COL14A1: variants seen among roughly 807,000 people sequenced by gnomAD.
COL14A1 encodes the protein collagen alpha-1(XIV) chain.
A neutral mutation model predicts 230.3 loss-of-function variants in COL14A1; 136 were observed. That is an observed-to-expected ratio of 0.59 (90% CI 0.51 to 0.68). The LOEUF is 0.68. Among genes scored for constraint, COL14A1 ranks in the 30% least tolerant of loss-of-function variants. The pLI is 0.00. For synonymous variants in COL14A1, 792 were observed against 784.1 expected (o/e 1.01, Z -0.17); for missense variants, 1,976 against 2,215.8 (o/e 0.89, Z 2.17).
At chr8:120,165,635 A>G (rs1047901042) in intron 4 of COL14A1, among the ~76,000 whole-genome samples, 17 of 152,084 alleles carry the variant, frequency 1.1e-4, no homozygotes, top group South Asian at 2.1e-4. Context: ...GAAGACATAT[A>G]TATCTTATAT....
At chr8:120,263,286 A>G (rs146903915) in intron 24 of COL14A1, among the ~76,000 whole-genome samples, 2 of 152,204 alleles carry the variant, frequency 1.3e-5, no homozygotes, top group Non-Finnish European at 2.9e-5. Context: ...AATGACTTAC[A>G]TTGTGATCCA....
intron 22 of COL14A1, among the ~76,000 whole-genome samples, chr8:120,251,413 C>T (rs1466432886): frequency 6.6e-6 from 1 of 152,144 alleles, no homozygotes; most frequent in Non-Finnish European, 1.5e-5. Context: ...GGGGTCACTC[C>T]ACCCCCTTGC....
chr8:120,281,075 AAGATTTTAAAGTCATCGT>A lies in COL14A1; in HGVS notation c.3824+18_3824+35del. ...AGCCAACCAGGTATGTTTCTGTTGAAAGATTTTAAAGTCATCGTATGTTTATTATATCTCACTGTGAAA... is the reference window on the plus strand; with the variant it reads ...AGCCAACCAGGTATGTTTCTGTTGAAATGTTTATTATATCTCACTGTGAAA... On this transcript the variant is annotated intron_variant, in intron 31 of 47. Transcript: ENST00000297848. 1 of 1,595,020 alleles carries A rather than the reference AAGATTTTAAAGTCATCGT, an allele frequency of 6.3e-7. No homozygotes were observed. The highest frequency in any genetic ancestry group is 1.1e-5 in the South Asian group (1 of 87,962).
At chr8:120,261,497 A>G (rs373481422) in intron 23 of COL14A1, among the ~76,000 whole-genome samples, 28 of 152,300 alleles carry the variant, frequency 1.8e-4, no homozygotes, top group African/African-American at 5.1e-4. Flanking sequence ...CCCTCAAGAA[A>G]TGATGAATAT....
intron 19 of COL14A1, among the ~76,000 whole-genome samples, chr8:120,236,187 A>G (rs192019458): frequency 6.6e-6 from 1 of 152,188 alleles, no homozygotes; most frequent in Admixed American, 6.5e-5. Context: ...TTTCTGTCTC[A>G]TTTATCTGTC....
chr8:120,137,708 CATTG>C (rs1392102931), intron 1 of COL14A1, among the ~76,000 whole-genome samples: 1 of 151,860 alleles, frequency 6.6e-6, no homozygotes, highest in Non-Finnish European at 1.5e-5. Flanking sequence ...ATCTTTGACT[CATTG>C]ATTATTTAGA....
chr8:120,149,252 A>T (rs767301823), intron 2 of COL14A1, among the ~76,000 whole-genome samples: 12 of 152,246 alleles, frequency 7.9e-5, no homozygotes, highest in Admixed American at 7.9e-4. Context: ...AGATCAATGC[A>T]TGAACCACCA....
intron 3 of COL14A1, among the ~76,000 whole-genome samples, chr8:120,160,806 G>T (rs1269921361): frequency 6.6e-6 from 1 of 152,174 alleles, no homozygotes; most frequent in Admixed American, 6.5e-5. Context: ...TATTCTGTAG[G>T]ATGCTAATAG....
At chr8:120,276,855 A>C (rs548321235) in intron 26 of COL14A1, among the ~76,000 whole-genome samples, 44 of 151,936 alleles carry the variant, frequency 2.9e-4, no homozygotes, top group Middle Eastern at 3.4e-3. Flanking sequence ...AATAAAATAA[A>C]ATTAGGTTAT....
chr8:120,284,642 T>C lies in COL14A1; in HGVS notation c.3967+864T>C, dbSNP rs145539059. Among the ~76,000 whole-genome samples, 4 of 152,320 alleles carry C rather than the reference T, an allele frequency of 2.6e-5. No individual in the cohort carries two copies. In the East Asian group the frequency reaches 7.7e-4, roughly 29 times the overall value. On this transcript the variant is annotated intron_variant, in intron 32 of 47. Coordinates refer to ENST00000297848, the MANE Select transcript of COL14A1 (RefSeq NM_021110.4). ...CAGTACATGGAAACTAATCAACAAC[T>C]AAATATGATATTGTGGAAGCATTTT...
intron 36 of COL14A1, among the ~76,000 whole-genome samples, chr8:120,307,818 C>T (rs1298358432): frequency 1.3e-5 from 2 of 152,084 alleles, no homozygotes; most frequent in Non-Finnish European, 2.9e-5. Context: ...ATTGGCAGAT[C>T]AATAAACTGG....
At chr8:120,236,443 C>CT (rs200472631) in intron 19 of COL14A1, among the ~76,000 whole-genome samples, 14,026 of 144,234 alleles carry the variant, frequency 0.097, 1,232 homozygotes, top group East Asian at 0.41. Context: ...GCAACCCCTG[C>CT]TTTTTTTTTT....
intron 7 of COL14A1, 143 bp from the exon 8 acceptor site, chr8:120,199,259 C>T (rs1817146753): frequency 1.0e-5 from 7 of 680,086 alleles, no homozygotes; most frequent in Admixed American, 4.1e-5. Flanking sequence ...CTGTGAAAGA[C>T]AACGTTATTA....
chr8:120,139,284 C>A (rs563826948), intron 1 of COL14A1, among the ~76,000 whole-genome samples: 2 of 152,306 alleles, frequency 1.3e-5, no homozygotes, highest in South Asian at 4.1e-4. Flanking sequence ...TTCAAGTCTT[C>A]TTTGCCTGAA....
intron 4 of COL14A1, among the ~76,000 whole-genome samples, chr8:120,166,082 T>A (rs1226495984): frequency 6.6e-6 from 1 of 152,030 alleles, no homozygotes; most frequent in Admixed American, 6.6e-5. Flanking sequence ...TGTGTGCAGC[T>A]CTCCCATAGA....
chr8:120,244,102 A>G, intron 20 of COL14A1, 94 bp downstream of exon 20: 1 of 1,411,912 alleles, frequency 7.1e-7, no homozygotes, highest in South Asian at 1.3e-5. Context: ...AGTAGATTGC[A>G]GTGAAGAAAC....
intron 24 of COL14A1, among the ~76,000 whole-genome samples, 183 bp downstream of exon 24, chr8:120,263,197 A>G (rs10097805): frequency 0.021 from 3,168 of 152,288 alleles, 115 homozygotes; most frequent in African/African-American, 0.071. Context: ...GATGTCATCA[A>G]TATGGGTTTT....
At chr8:120,307,376 A>G (rs376644496) in intron 36 of COL14A1, among the ~76,000 whole-genome samples, 7 of 152,334 alleles carry the variant, frequency 4.6e-5, no homozygotes, top group South Asian at 4.1e-4. Context: ...TTGATATTCA[A>G]TAATGGTGCT....
chr8:120,181,459 T>C (rs941664677), intron 5 of COL14A1, among the ~76,000 whole-genome samples: 2 of 152,180 alleles, frequency 1.3e-5, no homozygotes, highest in African/African-American at 2.4e-5. Context: ...ACACTCTCAA[T>C]GGGAGTGACA....
Sources: allele counts gnomAD v4.1 joint callset (sites outside exome capture counted in the v4.1 genomes callset), GRCh38; gene constraint gnomAD v4.1.1; transcripts MANE v1.5; gene names NCBI Gene and HGNC (gene_info 2026-07-23, HGNC 2026-07-21).